The following KRABD3 variants were observed in gnomAD, a reference collection of about 807,000 sequenced individuals.
KRABD3 encodes the protein KRAB domain-containing protein 3.
chr7:149,724,913 T>A, the KRABD3 span: 1 of 1,363,748 alleles, frequency 7.3e-7, no homozygotes, highest in Admixed American at 2.4e-5. Flanking sequence ...CTGGCAAGGT[T>A]CCACTAACCC....
chr7:149,733,258 G>T, the KRABD3 span: 2,523 of 1,612,156 alleles, frequency 1.6e-3, 2 homozygotes, highest in Admixed American at 2.1e-3. Context: ...TGCCCAGTGA[G>T]TCTCCCCCTC....
the KRABD3 span, among the ~76,000 whole-genome samples, chr7:149,726,684 C>T: frequency 2.0e-5 from 3 of 151,960 alleles, no homozygotes; most frequent in African/African-American, 7.2e-5. Flanking sequence ...GCAATCTGCC[C>T]GCCTCAGCCT....
At chr7:149,725,983 TCTC>T in the KRABD3 span, 1,898 of 1,611,132 alleles carry the variant, frequency 1.2e-3, 10 homozygotes, top group Non-Finnish European at 6.7e-4. Flanking sequence ...CCCACCAGCT[TCTC>T]CTCATCCAGC....
chr7:149,731,513 C>T, the KRABD3 span, among the ~76,000 whole-genome samples: 4 of 152,344 alleles, frequency 2.6e-5, no homozygotes, highest in African/African-American at 9.6e-5. Context: ...GCGGGCCCTG[C>T]CACCAGAATT....
At chr7:149,723,773 G>A in the KRABD3 span, 1 of 1,613,938 alleles carries the variant, frequency 6.2e-7, no homozygotes, top group Non-Finnish European at 8.5e-7. Context: ...CCCCTCCAGG[G>A]TCTGCTACAC....
At chr7:149,724,965 C>T in the KRABD3 span, 2 of 885,928 alleles carry the variant, frequency 2.3e-6, no homozygotes, top group South Asian at 4.1e-5. Context: ...CCTGGCCTTT[C>T]TTCCCAAGCA....
chr7:149,729,582 A>G, the KRABD3 span: 1 of 985,024 alleles, frequency 1.0e-6, no homozygotes, highest in Non-Finnish European at 1.2e-6. Context: ...CGGGAAGATC[A>G]TTGTTTGTGT....
At chr7:149,733,319 C>G in the KRABD3 span, 1 of 1,612,518 alleles carries the variant, frequency 6.2e-7, no homozygotes, top group Non-Finnish European at 8.5e-7. Context: ...AGCCTCCTCC[C>G]TGCAGCCGCC....
chr7:149,717,353 AAGC>A, the KRABD3 span, among the ~76,000 whole-genome samples: 1 of 152,218 alleles, frequency 6.6e-6, no homozygotes, highest in Non-Finnish European at 1.5e-5. Flanking sequence ...AAATACCTGG[AAGC>A]CAGCCTGAGC....
At chr7:149,725,625 A>AC in the KRABD3 span, 1 of 962,724 alleles carries the variant, frequency 1.0e-6, no homozygotes, top group Non-Finnish European at 1.5e-6. Context: ...TTTCATACTC[A>AC]CTCCCAAACA....
the KRABD3 span, among the ~76,000 whole-genome samples, chr7:149,726,215 G>A: frequency 1.3e-5 from 2 of 152,186 alleles, no homozygotes; most frequent in Admixed American, 1.3e-4. Flanking sequence ...ACTTATCTTG[G>A]GTGGGTTGTG....
chr7:149,730,688 T>C, the KRABD3 span: 3,837 of 1,263,252 alleles, frequency 3.0e-3, 84 homozygotes, highest in African/African-American at 0.042. Flanking sequence ...GTCCTGCACA[T>C]TGGCCGTGCT....
chr7:149,726,701 G>T, the KRABD3 span, among the ~76,000 whole-genome samples: 1 of 152,018 alleles, frequency 6.6e-6, no homozygotes, highest in Non-Finnish European at 1.5e-5. Flanking sequence ...GCCTCCCAAA[G>T]TGCTGGGATT....
chr7:149,728,671 G>A, the KRABD3 span: 5 of 1,613,258 alleles, frequency 3.1e-6, no homozygotes, highest in African/African-American at 4.0e-5. Context: ...CAGCAGACAA[G>A]GAAGGTAATA....
chr7:149,731,901 C>A, the KRABD3 span: 1 of 637,700 alleles, frequency 1.6e-6, no homozygotes. Context: ...TAATGCACTT[C>A]AGGTTGCATA....
At chr7:149,721,510 G>A in the KRABD3 span, 16 of 1,611,974 alleles carry the variant, frequency 9.9e-6, no homozygotes, top group Non-Finnish European at 8.5e-7. Flanking sequence ...CTGGTGACGG[G>A]GTCCAGGGAA....
At chr7:149,723,761 G>T in the KRABD3 span, 1 of 1,613,756 alleles carries the variant, frequency 6.2e-7, no homozygotes, top group Non-Finnish European at 8.5e-7. Flanking sequence ...TCAGGGGATT[G>T]TCCCCTCCAG....
chr7:149,728,984 A>T, the KRABD3 span, among the ~76,000 whole-genome samples: 1 of 152,150 alleles, frequency 6.6e-6, no homozygotes, highest in Non-Finnish European at 1.5e-5. Context: ...CTCCAAGCCC[A>T]GGGGTCCACG....
At chr7:149,722,443 C>T in the KRABD3 span, 1 of 1,607,672 alleles carries the variant, frequency 6.2e-7, no homozygotes, top group Non-Finnish European at 8.5e-7. Flanking sequence ...AAACCGTGGC[C>T]TACAAGGAAG....
Sources: allele counts gnomAD v4.1 joint callset (sites outside exome capture counted in the v4.1 genomes callset), GRCh38; gene constraint gnomAD v4.1.1; transcripts MANE v1.5; gene names NCBI Gene and HGNC (gene_info 2026-07-23, HGNC 2026-07-21).